Variants in MTSS1 observed in about 807,000 individuals in gnomAD.
The protein encoded by MTSS1 is MTSS I-BAR domain containing 1, also known as protein MTSS 1.
Under a neutral mutation model 79.0 loss-of-function variants are expected in MTSS1, and 18 were observed. That is an observed-to-expected ratio of 0.23 (90% CI 0.16 to 0.34). The LOEUF is 0.34. MTSS1 is among the 10% of genes least tolerant of loss of function. MTSS1 has a pLI of 1.00. For synonymous variants in MTSS1, 341 were observed against 368.6 expected (o/e 0.93, Z 0.86); for missense variants, 815 against 986.2 (o/e 0.83, Z 2.33).
At chr8:124,694,115 A>AT (rs751082253) in intron 3 of MTSS1, among the ~76,000 whole-genome samples, 5 of 152,182 alleles carry the variant, frequency 3.3e-5, no homozygotes, top group South Asian at 2.1e-4. Context: ...TGCTACACAG[A>AT]TTTTTTTTAA....
intron 3 of MTSS1, among the ~76,000 whole-genome samples, chr8:124,620,137 G>A (rs1244710500): frequency 2.6e-5 from 4 of 151,948 alleles, no homozygotes; most frequent in African/African-American, 9.7e-5. Flanking sequence ...TAGAGATGGG[G>A]TTTCTCCATA....
Position 124,698,852 on chromosome 8 carries a change from A to G in MTSS1, c.208+674T>C, listed in dbSNP as rs541958365. On this transcript the variant is annotated intron_variant, in intron 3 of 13. Transcript: ENST00000518547. ...GTTGCATTTCTAAAGACGGTCAGGC[A>G]TACGGGGGTATTCATTTTCTTTTTA... Among the ~76,000 whole-genome samples the G allele has an allele frequency of 6.2e-4, 95 of 152,340 alleles. 1 individual carries two copies. Among genetic ancestry groups the G allele is most frequent in the African/African-American group, 2.0e-3 (82 of 41,588 alleles).
At chr8:124,703,237 T>C (rs1829949073) in intron 2 of MTSS1, among the ~76,000 whole-genome samples, 1 of 152,196 alleles carries the variant, frequency 6.6e-6, no homozygotes, top group Non-Finnish European at 1.5e-5. Flanking sequence ...TTTTGCTAGA[T>C]AGTTCATGTA....
In MTSS1 at chr8:124,683,184, T is replaced by C. The variant is rs991098814; in HGVS notation, c.208+16342A>G. Among the ~76,000 whole-genome samples the C allele has an allele frequency of 6.6e-6, 1 of 152,118 alleles. No homozygotes were observed. The highest frequency in any genetic ancestry group is 1.5e-5 in the Non-Finnish European group (1 of 68,010). On this transcript the variant is annotated intron_variant, in intron 3 of 13. Coordinates refer to ENST00000518547, the MANE Select transcript of MTSS1 (RefSeq NM_014751.6). This position sits in a 1 kb window ranked among gnomAD's most constrained non-coding sequence, Gnocchi z 4.5. ...AAAAAAAAAGAAAAAAAGTTTCTTA[T>C]ACACAAATGTTTTAACGTTTAATGT...
Position 124,553,177 on chromosome 8 carries a change from C to T in MTSS1, c.2083G>A (p.Ala695Thr). 1 of 1,614,128 alleles carries T rather than the reference C, an allele frequency of 6.2e-7. No individual in the cohort carries two copies. Among genetic ancestry groups the T allele is most frequent in the Non-Finnish European group, 8.5e-7 (1 of 1,180,034 alleles). The change falls in exon 14 of 14, where the codon GCT becomes ACT. Residue 695 changes from alanine (A) to threonine (T), a missense_variant. Physicochemically the swap from Ala to Thr is moderately conservative, Grantham distance 58. This residue lies in a region of MTSS1 where 590 missense variants were observed against 620.8 expected (regional missense o/e 0.95). Coordinates refer to ENST00000518547, the MANE Select transcript of MTSS1 (RefSeq NM_014751.6). The surrounding 1 kb of genome is among the most constrained non-coding windows in gnomAD (Gnocchi z 6.0). Reference sequence around the variant, plus strand: ...GGGGGTTCCCGTTCCTGGTCTTCAGCTTCACTTTCTGGAATTGCCTGTCTG... The same window carrying T: ...GGGGGTTCCCGTTCCTGGTCTTCAGTTTCACTTTCTGGAATTGCCTGTCTG... ...EHRQAIPESE[A>T]EDQEREPPSA...
At chr8:124,612,126 G>A (rs970162725) in intron 3 of MTSS1, among the ~76,000 whole-genome samples, 5 of 152,176 alleles carry the variant, frequency 3.3e-5, no homozygotes, top group African/African-American at 1.2e-4. Context: ...AATTAGTATC[G>A]ATTTGGTGAG....
chr8:124,590,702 C>T (rs1422678706), intron 4 of MTSS1, among the ~76,000 whole-genome samples: 3 of 152,196 alleles, frequency 2.0e-5, no homozygotes, highest in Non-Finnish European at 2.9e-5. Context: ...ATTCTGGATG[C>T]CTGGAAGCCA....
intron 3 of MTSS1, among the ~76,000 whole-genome samples, chr8:124,642,652 G>A (rs1818272619): frequency 6.6e-6 from 1 of 152,078 alleles, no homozygotes; most frequent in Non-Finnish European, 1.5e-5. Flanking sequence ...CATTGCAATG[G>A]CATGATCTCG....
intron 1 of MTSS1, among the ~76,000 whole-genome samples, chr8:124,715,380 T>A (rs1411751725): frequency 6.6e-6 from 1 of 152,212 alleles, no homozygotes; most frequent in Non-Finnish European, 1.5e-5. Flanking sequence ...TTAATTTGTT[T>A]TCTTTTCCTT....
chr8:124,637,944 A>T (rs992184485), intron 3 of MTSS1, among the ~76,000 whole-genome samples: 1 of 152,242 alleles, frequency 6.6e-6, no homozygotes, highest in Non-Finnish European at 1.5e-5. Context: ...CTTACACACA[A>T]GTTAGATAAA....
At chr8:124,694,227 C>T (rs116445460) in intron 3 of MTSS1, among the ~76,000 whole-genome samples, 351 of 152,064 alleles carry the variant, frequency 2.3e-3, no homozygotes, top group African/African-American at 7.5e-3. Context: ...ACAGAGCGGA[C>T]GACACACTCC....
In MTSS1 at chr8:124,616,301, G is replaced by A. The variant is rs375237895; in HGVS notation, c.209-25066C>T. ...GGAAGCTGCTGGAAGTAAGACCCTT[G>A]ACCCAGGCATCTTCTCATGAGGTTT... On this transcript the variant is annotated intron_variant, in intron 3 of 13. Transcript: ENST00000518547. 1.4e-4 allele frequency among the ~76,000 whole-genome samples: 21 copies of A among 148,978 alleles called. 1 individual carries two copies. In the East Asian group the frequency reaches 3.6e-3, roughly 25 times the overall value.
At chr8:124,709,297 C>G (rs568672959) in intron 1 of MTSS1, among the ~76,000 whole-genome samples, 20 of 152,220 alleles carry the variant, frequency 1.3e-4, no homozygotes, top group Non-Finnish European at 2.2e-4. Context: ...CAAGAAGTCC[C>G]CAGAAAGTTC....
chr8:124,709,769 C>T (rs1830896529), intron 1 of MTSS1, among the ~76,000 whole-genome samples: 1 of 152,172 alleles, frequency 6.6e-6, no homozygotes, highest in African/African-American at 2.4e-5. Context: ...TGATCTCACC[C>T]ACACTCCCCA....
At chr8:124,647,292 C>G (rs1249876759) in intron 3 of MTSS1, among the ~76,000 whole-genome samples, 1 of 152,050 alleles carries the variant, frequency 6.6e-6, no homozygotes, top group Non-Finnish European at 1.5e-5. Context: ...AAATACGATT[C>G]TTTTGGGTGG....
chr8:124,645,137 G>T (rs1224331223), intron 3 of MTSS1, among the ~76,000 whole-genome samples: 1 of 152,210 alleles, frequency 6.6e-6, no homozygotes, highest in Non-Finnish European at 1.5e-5. Context: ...GGAGGCTGAG[G>T]TGAGAGGATC....
intron 3 of MTSS1, among the ~76,000 whole-genome samples, chr8:124,643,103 G>T (rs1270926163): frequency 6.6e-6 from 1 of 152,114 alleles, no homozygotes; most frequent in East Asian, 1.9e-4. Context: ...AAATTTGGCA[G>T]AGAGAAAAAA....
intron 6 of MTSS1, among the ~76,000 whole-genome samples, chr8:124,584,370 T>G (rs568338553): frequency 3.9e-5 from 6 of 152,358 alleles, no homozygotes; most frequent in Non-Finnish European, 5.9e-5. Context: ...GAATGTCACC[T>G]TCTCTAGCTC....
chr8:124,668,061 C>T (rs1025857935), intron 3 of MTSS1, among the ~76,000 whole-genome samples: 4 of 152,084 alleles, frequency 2.6e-5, no homozygotes, highest in Non-Finnish European at 5.9e-5. Context: ...GCACTCCAGC[C>T]TGGGGGACGC....
Sources: gnomAD v4.1 joint callset for allele counts (sites outside exome capture counted in the v4.1 genomes callset) on GRCh38, gnomAD v4.1.1 for gene constraint, gnomAD v4.1.1 regional missense constraint, Gnocchi (gnomAD v3.1) non-coding constraint, MANE v1.5 for transcripts, NCBI Gene and HGNC (gene_info 2026-07-23, HGNC 2026-07-21) for gene names.